The following ARHGAP26 variants were observed in gnomAD, a reference collection of about 807,000 sequenced individuals.
ARHGAP26 encodes the protein rho GTPase-activating protein 26.
ARHGAP26 carries 38 observed loss-of-function variants against 104.8 expected under a neutral mutation model. The observed-to-expected ratio is 0.36, with a 90% CI of 0.28 to 0.48. The LOEUF (loss-of-function observed/expected upper bound fraction) is 0.48. Among genes scored for constraint, ARHGAP26 ranks in the 20% least tolerant of loss-of-function variants. The probability of loss-of-function intolerance (pLI) is 0.99; values close to 1 mark genes in which losing one functional copy is unlikely to be tolerated. For synonymous variants in ARHGAP26, 341 were observed against 340.0 expected (o/e 1.00, Z -0.03); for missense variants, 704 against 947.9 (o/e 0.74, Z 3.38).
At chr5:142,882,063 G>A (rs1028163700) in intron 4 of ARHGAP26, among the ~76,000 whole-genome samples, 1 of 152,138 alleles carries the variant, frequency 6.6e-6, no homozygotes. Context: ...ATTTTTTCCT[G>A]TATTAGAGGT....
intron 22 of ARHGAP26, among the ~76,000 whole-genome samples, chr5:143,221,180 C>T (rs1284838387): frequency 6.6e-6 from 1 of 152,126 alleles, no homozygotes; most frequent in East Asian, 1.9e-4. Context: ...GCAGACTCAG[C>T]TGGATTTTAG....
At chr5:143,151,172 T>C (rs1799795595) in intron 20 of ARHGAP26, among the ~76,000 whole-genome samples, 1 of 152,202 alleles carries the variant, frequency 6.6e-6, no homozygotes, top group Admixed American at 6.5e-5. Flanking sequence ...AAAAATATGA[T>C]TCACGTCTTA....
At chr5:143,089,959 CAG>C (rs896175093) in intron 17 of ARHGAP26, among the ~76,000 whole-genome samples, 3 of 152,206 alleles carry the variant, frequency 2.0e-5, no homozygotes, top group Non-Finnish European at 2.9e-5. Flanking sequence ...AGTTATTCGG[CAG>C]AGTGTCCAGT....
intron 18 of ARHGAP26, among the ~76,000 whole-genome samples, chr5:143,129,827 G>A (rs767628107): frequency 1.3e-5 from 2 of 152,136 alleles, no homozygotes; most frequent in Admixed American, 6.5e-5. Flanking sequence ...AGCATTTTAT[G>A]TGCATTGTCT....
At chr5:142,898,478 T>C (rs1035700765) in intron 6 of ARHGAP26, among the ~76,000 whole-genome samples, 1 of 152,212 alleles carries the variant, frequency 6.6e-6, no homozygotes, top group Admixed American at 6.5e-5. Context: ...CTTGGTGCAG[T>C]GTCTCTTCCT....
At chr5:143,171,189 A>G (rs975117046) in intron 20 of ARHGAP26, among the ~76,000 whole-genome samples, 5 of 152,164 alleles carry the variant, frequency 3.3e-5, no homozygotes, top group African/African-American at 1.2e-4. Context: ...TATGTTATCT[A>G]ATCTTAGAAC....
chr5:142,776,017 C>T lies in ARHGAP26; in HGVS notation c.154+5102C>T, dbSNP rs1324714298. On this transcript the variant is annotated intron_variant, in intron 1 of 22. Transcript: ENST00000645722. ...CAAGAACACTATATTTATATTTATT[C>T]CTTTCAAAGCAGTTACTTGCTTCAG... is the stretch of plus-strand genomic sequence containing the variant. Among the ~76,000 whole-genome samples the T allele has an allele frequency of 6.6e-5, 10 of 152,256 alleles. No individual in the cohort carries two copies. In the East Asian group the frequency reaches 1.9e-3, roughly 29 times the overall value.
chr5:143,098,314 C>T (rs1257686792), intron 17 of ARHGAP26, among the ~76,000 whole-genome samples: 1 of 152,110 alleles, frequency 6.6e-6, no homozygotes, highest in Non-Finnish European at 1.5e-5. Context: ...TACAATTCCG[C>T]AATGTCATTT....
chr5:143,000,065 C>T (rs1037286263), intron 11 of ARHGAP26, among the ~76,000 whole-genome samples: 17 of 152,160 alleles, frequency 1.1e-4, no homozygotes, highest in Admixed American at 2.0e-4. Flanking sequence ...GATACTGCTA[C>T]GCATACCCAT....
chr5:142,829,150 T>C (rs1354480591), intron 1 of ARHGAP26, among the ~76,000 whole-genome samples: 1 of 152,206 alleles, frequency 6.6e-6, no homozygotes, highest in Non-Finnish European at 1.5e-5. Context: ...GTAACCTTTC[T>C]GTCCTCTAGA....
At chr5:142,982,893 C>G (rs1289791383) in intron 11 of ARHGAP26, among the ~76,000 whole-genome samples, 1 of 152,158 alleles carries the variant, frequency 6.6e-6, no homozygotes, top group East Asian at 1.9e-4. Flanking sequence ...GTCTGACTTT[C>G]CCTGTGTGTT....
chr5:143,181,760 T>C (rs577032032), intron 20 of ARHGAP26, among the ~76,000 whole-genome samples: 1 of 152,346 alleles, frequency 6.6e-6, no homozygotes, highest in East Asian at 1.9e-4. Context: ...CTTTGAGATG[T>C]TAAGGACTTT....
intron 1 of ARHGAP26, among the ~76,000 whole-genome samples, chr5:142,850,360 C>A (rs1489491581): frequency 6.6e-6 from 1 of 152,112 alleles, no homozygotes; most frequent in Non-Finnish European, 1.5e-5. Context: ...TGACTGAATT[C>A]TTATTACAGA....
At chr5:143,188,961 G>A (rs765169114) in intron 20 of ARHGAP26, among the ~76,000 whole-genome samples, 38 of 152,274 alleles carry the variant, frequency 2.5e-4, no homozygotes, top group Middle Eastern at 3.4e-3. Context: ...GTAGTTCCCC[G>A]TTTCCAAAAT....
rs527454495 is a variant in ARHGAP26, at chr5:142,990,578, C to T, written c.1108-23502C>T. Among the ~76,000 whole-genome samples the T allele has an allele frequency of 4.6e-5, 7 of 152,304 alleles. No individual in the cohort carries two copies. In the East Asian group the frequency reaches 1.3e-3, roughly 29 times the overall value. On this transcript the variant is annotated intron_variant, in intron 11 of 22. Coordinates refer to ENST00000645722, the MANE Select transcript of ARHGAP26 (RefSeq NM_001135608.3). ...TTTCAGCTTTTCTGCTCTGGTTTCT[C>T]CCCATCTTTGTGGTTTTATCTACTT...
chr5:143,222,196 G>A (rs1811257953), intron 22 of ARHGAP26, among the ~76,000 whole-genome samples, 162 bp from the exon 23 acceptor site: 1 of 151,868 alleles, frequency 6.6e-6, no homozygotes, highest in Admixed American at 6.6e-5. Context: ...TAAACTTCTA[G>A]AATGATGTAA....
chr5:143,216,156 T>A, intron 22 of ARHGAP26: 1 of 471,740 alleles, frequency 2.1e-6, no homozygotes. Flanking sequence ...GCCTGGATGA[T>A]TGTTAACTGC....
intron 1 of ARHGAP26, among the ~76,000 whole-genome samples, chr5:142,823,104 C>T (rs1425634025): frequency 6.6e-6 from 1 of 152,210 alleles, no homozygotes; most frequent in East Asian, 1.9e-4. Context: ...TCCCATTTTA[C>T]AGCTGAGTTT....
At position 143,196,738 on chromosome 5, in the gene ARHGAP26, A is replaced by G. The variant is rs185335634; in HGVS notation, c.1989-10460A>G. Among the ~76,000 whole-genome samples the G allele has an allele frequency of 2.6e-5, 4 of 152,306 alleles. No individual in the cohort carries two copies. In the East Asian group the frequency reaches 7.7e-4, roughly 29 times the overall value. On this transcript the variant is annotated intron_variant, in intron 20 of 22. Transcript: ENST00000645722. ...AGCATGAAAATGTGGTACTAGGTAGACCTCAAACAGACACTTGTTTACAGT... is the reference window on the plus strand; with the variant it reads ...AGCATGAAAATGTGGTACTAGGTAGGCCTCAAACAGACACTTGTTTACAGT...
Sources: gnomAD v4.1 joint callset for allele counts (sites outside exome capture counted in the v4.1 genomes callset) on GRCh38, gnomAD v4.1.1 for gene constraint, MANE v1.5 for transcripts, NCBI Gene and HGNC (gene_info 2026-07-23, HGNC 2026-07-21) for gene names.